RAPGEF5: variants seen among roughly 807,000 people sequenced by gnomAD.
RAPGEF5 encodes M-Ras-regulated GEF.
A neutral mutation model predicts 125.2 loss-of-function variants in RAPGEF5; 65 were observed. The ratio of observed to expected loss-of-function variants is 0.52; its 90% CI spans 0.43 to 0.64. RAPGEF5 has a LOEUF of 0.64. Ranked by LOEUF, RAPGEF5 falls within the 30% of genes least tolerant of loss-of-function variation. The pLI is 0.00. For synonymous variants in RAPGEF5, 391 were observed against 385.9 expected (o/e 1.01, Z -0.16); for missense variants, 958 against 1,048.1 (o/e 0.91, Z 1.19).
intron 6 of RAPGEF5, among the ~76,000 whole-genome samples, chr7:22,280,601 G>A (rs1172351040): frequency 1.3e-5 from 2 of 152,196 alleles, no homozygotes; most frequent in Non-Finnish European, 1.5e-5. Context: ...GAACTTATTC[G>A]AGGAAACTGG....
rs1370695829 is a variant in RAPGEF5, at chr7:22,240,154, G to A, written c.797-9235C>T. 3.4e-5 allele frequency among the ~76,000 whole-genome samples: 5 copies of A among 145,652 alleles called. No individual in the cohort carries two copies. In the Admixed American group the frequency reaches 3.5e-4, roughly 10 times the overall value. On this transcript the variant is annotated intron_variant, in intron 7 of 25. Coordinates refer to ENST00000665637, the MANE Select transcript of RAPGEF5 (RefSeq NM_012294.5). The stretch of plus-strand genomic sequence containing the variant: ...GAACCTGGGAAGCAGAGGTTGCAGT[G>A]AGCCAAAATCACGCCACTGCACTCC...
At chr7:22,179,169 C>T (rs905606784) in intron 11 of RAPGEF5, among the ~76,000 whole-genome samples, 5 of 152,080 alleles carry the variant, frequency 3.3e-5, no homozygotes, top group East Asian at 1.9e-4. Flanking sequence ...CAATTAGATA[C>T]TAAAATCTAC....
At chr7:22,294,138 G>A (rs1782997867) in intron 5 of RAPGEF5, among the ~76,000 whole-genome samples, 2 of 152,174 alleles carry the variant, frequency 1.3e-5, no homozygotes, top group Non-Finnish European at 2.9e-5. Flanking sequence ...GAGAGACAGA[G>A]AGAGAGAAGC....
chr7:22,204,922 G>T (rs374477925), intron 9 of RAPGEF5, among the ~76,000 whole-genome samples: 16 of 152,296 alleles, frequency 1.1e-4, no homozygotes, highest in African/African-American at 3.6e-4. Context: ...AGACAAAGAT[G>T]AATTTGCTTG....
intron 9 of RAPGEF5, among the ~76,000 whole-genome samples, chr7:22,197,643 T>A (rs983808489): frequency 2.6e-5 from 4 of 152,120 alleles, no homozygotes; most frequent in African/African-American, 9.7e-5. Context: ...ACATGTATCC[T>A]TATAATTCAG....
At position 22,244,702 on chromosome 7, in the gene RAPGEF5, C is replaced by T. The variant is rs1786431442; in HGVS notation, c.797-13783G>A. Reference sequence around the variant, plus strand: ...TGTGCTTGAATCATCCTGAAACCATCCCCCTACCCCAGTCCGTAGAAAAAC... The same window carrying T: ...TGTGCTTGAATCATCCTGAAACCATTCCCCTACCCCAGTCCGTAGAAAAAC... On this transcript the variant is annotated intron_variant, in intron 7 of 25. Coordinates refer to ENST00000665637, the MANE Select transcript of RAPGEF5 (RefSeq NM_012294.5). Among the ~76,000 whole-genome samples, 3 of 152,136 alleles carry T rather than the reference C, an allele frequency of 2.0e-5. No individual in the cohort carries two copies. In the South Asian group the frequency reaches 6.2e-4, roughly 32 times the overall value.
Position 22,122,394 on chromosome 7 carries a change from A to G in RAPGEF5, c.*12T>C, listed in dbSNP as rs750941694. On this transcript the variant is annotated 3_prime_UTR_variant, in exon 26 of 26. Coordinates refer to ENST00000665637, the MANE Select transcript of RAPGEF5 (RefSeq NM_012294.5). ...AAGTGCTGCAGATACAGGGGAGGTG[A>G]GGCAGTGGGGCTCACACCCGAGGCT... The G allele has an allele frequency of 2.5e-6, 4 of 1,592,136 alleles. No homozygotes were observed. The Admixed American group carries it at 6.7e-5, about 27-fold the overall frequency.
chr7:22,244,209 CAT>C (rs759945981), intron 7 of RAPGEF5, among the ~76,000 whole-genome samples: 1 of 151,560 alleles, frequency 6.6e-6, no homozygotes, highest in African/African-American at 2.4e-5. Flanking sequence ...TGTGTATATA[CAT>C]ATATATATAC....
At chr7:22,249,780 C>T (rs936405875) in intron 7 of RAPGEF5, among the ~76,000 whole-genome samples, 1 of 152,150 alleles carries the variant, frequency 6.6e-6, no homozygotes, top group Admixed American at 6.5e-5. Flanking sequence ...CCTAACTCTG[C>T]GGGTCATACA....
At chr7:22,157,534 C>G (rs1240347042) in intron 15 of RAPGEF5, among the ~76,000 whole-genome samples, 1 of 152,170 alleles carries the variant, frequency 6.6e-6, no homozygotes, top group Non-Finnish European at 1.5e-5. Context: ...TTCCTTCTAC[C>G]TGGATTTTGT....
intron 11 of RAPGEF5, among the ~76,000 whole-genome samples, chr7:22,169,314 T>C (rs368739453): frequency 1.3e-5 from 2 of 152,204 alleles, no homozygotes; most frequent in African/African-American, 4.8e-5. Flanking sequence ...GCAGCTCAAG[T>C]TAAACACTGG....
intron 1 of RAPGEF5, among the ~76,000 whole-genome samples, chr7:22,335,611 T>A (rs1044422894): frequency 6.7e-6 from 1 of 149,662 alleles, no homozygotes; most frequent in African/African-American, 2.5e-5. Flanking sequence ...CAAAGCCGTA[T>A]CAACTCTAGG....
chr7:22,332,491 C>T (rs1462371378), intron 1 of RAPGEF5, among the ~76,000 whole-genome samples: 6 of 152,168 alleles, frequency 3.9e-5, no homozygotes. Flanking sequence ...GAGTGTTCCA[C>T]CTACAGAGAA....
At chr7:22,237,311 A>G (rs908728877) in intron 7 of RAPGEF5, among the ~76,000 whole-genome samples, 2 of 150,866 alleles carry the variant, frequency 1.3e-5, no homozygotes, top group African/African-American at 4.9e-5. Flanking sequence ...TCATATTCCC[A>G]GTGAAACTGA....
In RAPGEF5 at chr7:22,171,225, G is replaced by A. The variant is rs114862895; in HGVS notation, c.1205-4077C>T. ...AATGATCCCCTGAAGACTATTAGCC[G>A]ACAATAGCCATTTAGAAAGACTTAC... On this transcript the variant is annotated intron_variant, in intron 11 of 25. Transcript: ENST00000665637. Among the ~76,000 whole-genome samples the A allele has an allele frequency of 5.4e-3, 818 of 152,086 alleles. 12 individuals carry two copies. The highest frequency in any genetic ancestry group is 0.019 in the African/African-American group (795 of 41,518).
At chr7:22,232,315 T>C (rs1786078325) in intron 7 of RAPGEF5, among the ~76,000 whole-genome samples, 1 of 25,796 alleles carries the variant, frequency 3.9e-5, no homozygotes, top group Non-Finnish European at 7.7e-5. Flanking sequence ...TTCTGTGTGC[T>C]TTTTTTTTTT....
At chr7:22,298,635 A>G (rs1027538250) in intron 5 of RAPGEF5, 16 of 152,234 alleles carry the variant, frequency 1.1e-4, no homozygotes, top group African/African-American at 3.6e-4. Context: ...ATCTTGTCCT[A>G]TCTTAGAGGC....
intron 5 of RAPGEF5, among the ~76,000 whole-genome samples, chr7:22,297,112 C>T (rs186545471): frequency 6.6e-6 from 1 of 152,218 alleles, no homozygotes. Flanking sequence ...GGAACAGAGA[C>T]ATTGTGCAGC....
At chr7:22,153,119 C>T (rs1476136709) in intron 17 of RAPGEF5, among the ~76,000 whole-genome samples, 1 of 152,158 alleles carries the variant, frequency 6.6e-6, no homozygotes, top group Non-Finnish European at 1.5e-5. Context: ...GGAGACGGGT[C>T]TCAGTTTTGC....
Sources: allele counts gnomAD v4.1 joint callset (sites outside exome capture counted in the v4.1 genomes callset), GRCh38; gene constraint gnomAD v4.1.1; transcripts MANE v1.5; gene names NCBI Gene and HGNC (gene_info 2026-07-23, HGNC 2026-07-21).